ZNF385D: variants seen among roughly 807,000 people sequenced by gnomAD.
ZNF385D encodes zinc finger protein 659.
In ZNF385D, 15 loss-of-function variants were observed where a neutral mutation model predicts 35.8. The ratio of observed to expected loss-of-function variants is 0.42; its 90% CI spans 0.28 to 0.64. ZNF385D has a LOEUF of 0.64. Among genes scored for constraint, ZNF385D ranks in the 30% least tolerant of loss-of-function variants. ZNF385D has a pLI of 0.23. For missense variants in ZNF385D, 474 were observed against 494.6 expected, an observed-to-expected ratio of 0.96 and a Z score of 0.39; for synonymous variants, 212 against 186.8, an observed-to-expected ratio of 1.13 and a Z score of -1.10.
chr3:22,075,696 T>A (rs943358355), intron 3 of ZNF385D, among the ~76,000 whole-genome samples: 18 of 151,980 alleles, frequency 1.2e-4, no homozygotes, highest in African/African-American at 4.1e-4. Flanking sequence ...GAAGTTTTGA[T>A]ACATTCTCTT....
intron 3 of ZNF385D, among the ~76,000 whole-genome samples, chr3:21,898,889 G>T (rs1341930241): frequency 6.6e-6 from 1 of 152,078 alleles, no homozygotes; most frequent in Non-Finnish European, 1.5e-5. Context: ...CAGTTTTACT[G>T]GACAGGAAAA....
At chr3:22,058,984 A>G (rs35862118) in intron 3 of ZNF385D, among the ~76,000 whole-genome samples, 16,430 of 152,188 alleles carry the variant, frequency 0.11, 1,184 homozygotes, top group South Asian at 0.28. Context: ...CAGGGAGATT[A>G]ATTTCAATCA....
intron 2 of ZNF385D, among the ~76,000 whole-genome samples, chr3:22,192,186 C>G (rs571303057): frequency 6.6e-6 from 1 of 152,226 alleles, no homozygotes; most frequent in Admixed American, 6.6e-5. Context: ...TGAGCCACAC[C>G]AGGTCAGAGA....
chr3:22,146,391 G>A (rs184536098), intron 3 of ZNF385D, among the ~76,000 whole-genome samples: 132 of 152,194 alleles, frequency 8.7e-4, no homozygotes, highest in Admixed American at 8.5e-3. Flanking sequence ...CTACAACAGT[G>A]GGTTGTATAG....
chr3:21,886,880 C>G (rs1415645927), intron 3 of ZNF385D, among the ~76,000 whole-genome samples: 1 of 152,060 alleles, frequency 6.6e-6, no homozygotes, highest in African/African-American at 2.4e-5. Flanking sequence ...ATCAGCAGTG[C>G]CCCCGTGGGT....
chr3:22,026,018 C>T (rs1263228169), intron 3 of ZNF385D, among the ~76,000 whole-genome samples: 1 of 152,084 alleles, frequency 6.6e-6, no homozygotes, highest in Non-Finnish European at 1.5e-5. Flanking sequence ...ACAGCAGAGG[C>T]AAAGCAGCAA....
At chr3:22,099,766 T>C (rs1027211273) in intron 3 of ZNF385D, among the ~76,000 whole-genome samples, 1 of 151,954 alleles carries the variant, frequency 6.6e-6, no homozygotes, top group Non-Finnish European at 1.5e-5. Flanking sequence ...GGGTACATCC[T>C]GATTGGGGTC....
At chr3:21,549,671 C>G (rs536893915) in intron 3 of ZNF385D, among the ~76,000 whole-genome samples, 3 of 152,180 alleles carry the variant, frequency 2.0e-5, no homozygotes, top group African/African-American at 4.8e-5. Context: ...TCTCTTCTTT[C>G]ACACAAGCCG....
intron 3 of ZNF385D, among the ~76,000 whole-genome samples, chr3:21,886,598 C>G (rs565158697): frequency 1.3e-5 from 2 of 152,092 alleles, no homozygotes; most frequent in Admixed American, 6.6e-5. Context: ...CTTGTTCAGG[C>G]CTAGTCTCAT....
At chr3:22,354,305 A>G (rs1281114953) in intron 2 of ZNF385D, among the ~76,000 whole-genome samples, 1 of 152,062 alleles carries the variant, frequency 6.6e-6, no homozygotes, top group African/African-American at 2.4e-5. Flanking sequence ...ACATATTTCA[A>G]GTAGATACAG....
At chr3:21,963,088 G>C (rs1415389314) in intron 3 of ZNF385D, among the ~76,000 whole-genome samples, 1 of 152,124 alleles carries the variant, frequency 6.6e-6, no homozygotes, top group African/African-American at 2.4e-5. Flanking sequence ...AACCCAACCT[G>C]GCCTTAATGA....
intron 1 of ZNF385D, among the ~76,000 whole-genome samples, chr3:21,707,932 T>G (rs1355609199): frequency 6.6e-6 from 1 of 152,168 alleles, no homozygotes; most frequent in African/African-American, 2.4e-5. Flanking sequence ...TTAGTGGTGA[T>G]GCGGAAGGAG....
chr3:21,816,058 T>C (rs908736575), intron 3 of ZNF385D, among the ~76,000 whole-genome samples: 1 of 152,104 alleles, frequency 6.6e-6, no homozygotes, highest in Non-Finnish European at 1.5e-5. Flanking sequence ...ATCCAGCATA[T>C]AAACAGAACC....
chr3:22,023,964 G>T (rs1189016981), intron 3 of ZNF385D, among the ~76,000 whole-genome samples: 2 of 152,240 alleles, frequency 1.3e-5, no homozygotes, highest in Non-Finnish European at 1.5e-5. Flanking sequence ...TGGATTGAAG[G>T]ATACAAAGTA....
intron 3 of ZNF385D, among the ~76,000 whole-genome samples, chr3:21,989,673 T>C (rs1260032121): frequency 7.3e-6 from 1 of 137,292 alleles, no homozygotes; most frequent in East Asian, 2.0e-4. Flanking sequence ...CTTTCCACAA[T>C]AATAATAAAA....
At chr3:21,902,561 G>T (rs1161465441) in intron 3 of ZNF385D, among the ~76,000 whole-genome samples, 1 of 152,092 alleles carries the variant, frequency 6.6e-6, no homozygotes, top group Non-Finnish European at 1.5e-5. Flanking sequence ...GACGATAAAC[G>T]AAAAGAAAGG....
chr3:22,030,283 A>ACATATATATATATATATGTATG (rs1697887511), intron 3 of ZNF385D, among the ~76,000 whole-genome samples: 3 of 97,976 alleles, frequency 3.1e-5, no homozygotes, highest in East Asian at 6.6e-4. Flanking sequence ...ATATATATAT[A>ACATATATATATATATATGTATG]TATATATATA....
chr3:22,164,216 C>CTTTTTTTTTTTTTTTTTTTT lies in ZNF385D; in HGVS notation c.325+4581_325+4600dup, dbSNP rs571978176. 1.3e-3 allele frequency among the ~76,000 whole-genome samples: 95 copies of CTTTTTTTTTTTTTTTTTTTT among 74,940 alleles called. 11 individuals carry two copies. Among genetic ancestry groups the CTTTTTTTTTTTTTTTTTTTT allele is most frequent in the East Asian group, 4.0e-3 (7 of 1,736 alleles). 49.2% of individuals were successfully genotyped at this position (74,940 alleles called of 152,430 possible). A position where few individuals can be genotyped will look rare whatever the true frequency, so the allele number is the denominator to read the frequency against. Reference sequence around the variant, plus strand: ...CACTATAGGTAATACAAAAGGAGCACTTTTTTTTTTTTTTTTTTTTTTTTT... The same window carrying CTTTTTTTTTTTTTTTTTTTT: ...CACTATAGGTAATACAAAAGGAGCACTTTTTTTTTTTTTTTTTTTTTTTTTTTTTTTTTTTTTTTTTTTTT... On this transcript the variant is annotated intron_variant, in intron 3 of 5. Transcript: ENST00000494108.
At chr3:22,131,634 C>A (rs890524023) in intron 3 of ZNF385D, among the ~76,000 whole-genome samples, 1 of 152,090 alleles carries the variant, frequency 6.6e-6, no homozygotes, top group Non-Finnish European at 1.5e-5. Flanking sequence ...GGGAAGGCCA[C>A]TGCAAAGAGA....
Sources: allele counts gnomAD v4.1 joint callset (sites outside exome capture counted in the v4.1 genomes callset), GRCh38; gene constraint gnomAD v4.1.1; transcripts MANE v1.5; gene names NCBI Gene and HGNC (gene_info 2026-07-23, HGNC 2026-07-21).